Variants in BHMT observed in about 807,000 individuals in gnomAD.
BHMT encodes betaine--homocysteine S-methyltransferase 1.
BHMT carries 38 observed loss-of-function variants against 49.5 expected under a neutral mutation model. The ratio of observed to expected loss-of-function variants is 0.77; its 90% CI spans 0.59 to 1.01. BHMT has a LOEUF of 1.01. BHMT is among the 50% of genes least tolerant of loss of function. BHMT has a pLI of 0.00. For missense variants in BHMT, 426 were observed against 495.7 expected (o/e 0.86, Z 1.34); for synonymous variants, 166 against 176.3 (o/e 0.94, Z 0.46).
rs139772156 is a variant in BHMT, at chr5:79,118,651, C to T, written c.167-608C>T. ...ACTATATATTTCCCTGATTCATCAA[C>T]TCCAGCCACTCAAGGTACTTGTCAT... On this transcript the variant is annotated intron_variant, in intron 2 of 7. Transcript: ENST00000274353. Among the ~76,000 whole-genome samples, 869 of 152,328 alleles carry T rather than the reference C, an allele frequency of 5.7e-3. 5 individuals are homozygous for T. The highest frequency in any genetic ancestry group is 8.2e-3 in the Non-Finnish European group (555 of 68,024).
chr5:79,123,093 G>A (rs1311284728), intron 5 of BHMT, among the ~76,000 whole-genome samples: 1 of 152,216 alleles, frequency 6.6e-6, no homozygotes, highest in Non-Finnish European at 1.5e-5. Flanking sequence ...TGGACAGTGT[G>A]TGGGAAGTTG....
intron 4 of BHMT, among the ~76,000 whole-genome samples, chr5:79,120,867 G>A (rs1461838454): frequency 6.6e-6 from 1 of 152,040 alleles, no homozygotes; most frequent in African/African-American, 2.4e-5. Flanking sequence ...ATTGTTTTGG[G>A]AAAGGCTGGG....
chr5:79,120,566 A>G (rs1285691654), intron 4 of BHMT, 25 bp downstream of exon 4: 1 of 1,592,310 alleles, frequency 6.3e-7, no homozygotes, highest in Non-Finnish European at 8.5e-7. Flanking sequence ...GGTGAAAGAT[A>G]AGACAAATAC....
rs1313033516 is a variant in BHMT, at chr5:79,131,916, G to A, written c.*800G>A. The A allele has an allele frequency of 1.3e-5, 2 of 151,964 alleles. No individual in the cohort carries two copies. The highest frequency in any genetic ancestry group is 2.4e-5 in the African/African-American group (1 of 41,246). 9.4% of individuals were successfully genotyped at this position (151,964 alleles called of 1,614,324 possible). On this transcript the variant is annotated 3_prime_UTR_variant, in exon 8 of 8. Transcript: ENST00000274353. ...CATAGACCAATGGGGAGGAGGGGAG[G>A]AGAGATGGATATTTCAGCCCTCTCC...
At position 79,126,101 on chromosome 5, in the gene BHMT, A is replaced by G. The variant is rs1340022545; in HGVS notation, c.681A>G (p.Thr227=). 1 of 1,613,202 alleles carries G rather than the reference A, an allele frequency of 6.2e-7. No homozygotes were observed. Residue 227 remains threonine, a synonymous_variant, in exon 6 of 8, where the codon ACA becomes ACG. Coordinates refer to ENST00000274353, the MANE Select transcript of BHMT (RefSeq NM_001713.3). ...TTGACCCCACCATTAGTTTAAAAAC[A>G]GTGAAGCTCATGAAGGAGGGCTTGG... ...CHFDPTISLK[T]VKLMKEGLEA... is the part of the protein sequence containing the mutation.
At chr5:79,119,517 CA>C (rs1386607300) in intron 3 of BHMT, 140 bp downstream of exon 3, 1 of 597,790 alleles carries the variant, frequency 1.7e-6, no homozygotes, top group African/African-American at 1.9e-5. Context: ...GCGTGAATAA[CA>C]ACCTTAGGTT....
intron 5 of BHMT, among the ~76,000 whole-genome samples, chr5:79,122,236 C>G (rs1387568796): frequency 6.6e-6 from 1 of 152,094 alleles, no homozygotes; most frequent in African/African-American, 2.4e-5. Flanking sequence ...CCATTGCGCC[C>G]GGCCTTAGGC....
chr5:79,130,159 G>A (rs976251454), intron 7 of BHMT, among the ~76,000 whole-genome samples: 4 of 151,926 alleles, frequency 2.6e-5, no homozygotes, highest in Non-Finnish European at 4.4e-5. Flanking sequence ...GGGTGACAGA[G>A]TAAGACCCTG....
intron 5 of BHMT, among the ~76,000 whole-genome samples, chr5:79,123,440 CT>C (rs1329693951): frequency 3.3e-5 from 5 of 152,314 alleles, no homozygotes; most frequent in Non-Finnish European, 7.3e-5. Flanking sequence ...GAAATAATCT[CT>C]CTTGCTCTTG....
chr5:79,127,201 G>A (rs1221125342), intron 6 of BHMT, among the ~76,000 whole-genome samples: 1 of 152,174 alleles, frequency 6.6e-6, no homozygotes, highest in Non-Finnish European at 1.5e-5. Context: ...ATTATCACCT[G>A]AAGGCCTGTT....
In BHMT at chr5:79,115,862, C is replaced by T; in HGVS notation, c.129C>T (p.Pro43=). Reference sequence around the variant, plus strand: ...AGAGGGGCTACGTAAAGGCAGGACCCTGGACTCCTGAAGCTGCTGTGGAGC... The same window carrying T: ...AGAGGGGCTACGTAAAGGCAGGACCTTGGACTCCTGAAGCTGCTGTGGAGC... ...LEKRGYVKAG[P]WTPEAAVEHP... is the part of the protein sequence containing the mutation. The change falls in exon 2 of 8, where the codon CCC becomes CCT. Residue 43 remains proline, a synonymous_variant. Coordinates refer to ENST00000274353, the MANE Select transcript of BHMT (RefSeq NM_001713.3). The T allele has an allele frequency of 6.2e-7, 1 of 1,613,884 alleles. No homozygotes were observed. Among genetic ancestry groups the T allele is most frequent in the Non-Finnish European group, 8.5e-7 (1 of 1,179,890 alleles).
At chr5:79,128,538 A>AAAT (rs1308295998) in intron 7 of BHMT, among the ~76,000 whole-genome samples, 3 of 151,396 alleles carry the variant, frequency 2.0e-5, no homozygotes, top group African/African-American at 7.3e-5. Context: ...TTAAAAAAAA[A>AAAT]AAAAAAAAAG....
intron 6 of BHMT, among the ~76,000 whole-genome samples, chr5:79,127,215 A>G (rs1037682474): frequency 1.3e-5 from 2 of 152,000 alleles, no homozygotes; most frequent in African/African-American, 2.4e-5. Flanking sequence ...GCCTGTTGGG[A>G]GCTGGGGGAT....
At chr5:79,117,980 AG>A (rs1342713376) in intron 2 of BHMT, among the ~76,000 whole-genome samples, 1 of 152,208 alleles carries the variant, frequency 6.6e-6, no homozygotes, top group African/African-American at 2.4e-5. Flanking sequence ...TTAAAAAAAA[AG>A]ATGCCTATGC....
chr5:79,125,121 A>G (rs1756530004), intron 5 of BHMT, among the ~76,000 whole-genome samples: 1 of 152,186 alleles, frequency 6.6e-6, no homozygotes. Context: ...TTTGACTACT[A>G]AAATTTGAAG....
Position 79,121,266 on chromosome 5 carries a change from G to C in BHMT, c.526G>C (p.Ala176Pro), listed in dbSNP as rs773419262. The C allele has an allele frequency of 6.2e-6, 10 of 1,614,054 alleles. No individual in the cohort carries two copies. The highest frequency in any genetic ancestry group is 6.8e-6 in the Non-Finnish European group (8 of 1,180,020). ...TGTGTGGGCAGTTGAAACCTTGATA[G>C]CATCCGGTAAACCTGTGGCAGCAAC... is the stretch of plus-strand genomic sequence containing the variant. The part of the protein sequence containing the change: ...EAVWAVETLI[A>P]SGKPVAATMC... The change falls in exon 5 of 8, where the codon GCA becomes CCA. Residue 176 changes from alanine (A) to proline (P), a missense_variant. By Grantham distance (27) the Ala-to-Pro change is conservative. Coordinates refer to ENST00000274353, the MANE Select transcript of BHMT (RefSeq NM_001713.3).
In BHMT at chr5:79,131,065, TG is replaced by T. The variant is rs1209861210; in HGVS notation, c.1171del (p.Glu391SerfsTer4). 1 of 1,613,654 alleles carries T rather than the reference TG, an allele frequency of 6.2e-7. No homozygotes were observed. The highest frequency in any genetic ancestry group is 1.1e-5 in the South Asian group (1 of 90,994). On this transcript the variant is annotated frameshift_variant, in exon 8 of 8. Coordinates refer to ENST00000274353, the MANE Select transcript of BHMT (RefSeq NM_001713.3). LOFTEE classifies it high-confidence loss of function. ...ELMQQKEATT[E>X]QQLKELFEKQ... ...TGATGCAGCAGAAAGAAGCCACAACTGAGCAGCAGCTGAAAGAGCTCTTTGA... is the reference window on the plus strand; with the variant it reads ...TGATGCAGCAGAAAGAAGCCACAACTAGCAGCAGCTGAAAGAGCTCTTTGA...
chr5:79,124,551 T>C (rs1043598054), intron 5 of BHMT, among the ~76,000 whole-genome samples: 22 of 152,270 alleles, frequency 1.4e-4, no homozygotes, highest in African/African-American at 5.3e-4. Flanking sequence ...TCATAATGCC[T>C]TCTCAAATCT....
rs1226309720 is a variant in BHMT at position 79,117,457 on chromosome 5, ATTT to A, written c.166+1559_166+1561del. On this transcript the variant is annotated intron_variant, in intron 2 of 7. Coordinates refer to ENST00000274353, the MANE Select transcript of BHMT (RefSeq NM_001713.3). ...ATTAAAACAAGTTTGAAGCCCGCTA[ATTT>A]AGGGATGCTTTTGAGGTCCCACTGA... Among the ~76,000 whole-genome samples, 4 of 152,306 alleles carry A rather than the reference ATTT, an allele frequency of 2.6e-5. No homozygotes were observed. The East Asian group carries it at 7.7e-4, about 29-fold the overall frequency.
Sources: gnomAD v4.1 joint callset for allele counts (sites outside exome capture counted in the v4.1 genomes callset) on GRCh38, gnomAD v4.1.1 for gene constraint, MANE v1.5 for transcripts, NCBI Gene and HGNC (gene_info 2026-07-23, HGNC 2026-07-21) for gene names.